The following MFSD12 variants were observed in gnomAD, a reference collection of about 807,000 sequenced individuals.
MFSD12 encodes the protein major facilitator superfamily domain containing 12, also known as major facilitator superfamily domain-containing protein 12.
Under a neutral mutation model 51.2 loss-of-function variants are expected in MFSD12, and 67 were observed. That is an observed-to-expected ratio of 1.31 (90% CI 1.08 to 1.60). The LOEUF (loss-of-function observed/expected upper bound fraction) is 1.60, where lower values mean the gene tolerates loss of function less well. Among genes scored for constraint, MFSD12 ranks in the 40% most tolerant of loss-of-function variants. The pLI is 0.00. For synonymous variants in MFSD12, 441 were observed against 316.7 expected (o/e 1.39, Z -4.17); for missense variants, 921 against 673.0 (o/e 1.37, Z -4.08).
chr19:3,553,487 G>A (rs865809863), intron 1 of MFSD12, among the ~76,000 whole-genome samples: 1 of 112,600 alleles, frequency 8.9e-6, no homozygotes, highest in Admixed American at 8.6e-5. Flanking sequence ...AAAAAAAAAA[G>A]GCCGGGCGCG....
intron 2 of MFSD12, 24 bp from the exon 3 acceptor site, chr19:3,548,291 TCAA>T (rs1229926098): frequency 1.3e-6 from 2 of 1,543,958 alleles, no homozygotes; most frequent in African/African-American, 2.7e-5. Flanking sequence ...GGGCAGGGAC[TCAA>T]CAAGACGCCA....
intron 1 of MFSD12, among the ~76,000 whole-genome samples, chr19:3,552,642 A>G (rs1312521972): frequency 6.6e-6 from 1 of 150,782 alleles, no homozygotes; most frequent in Non-Finnish European, 1.5e-5. Flanking sequence ...ATCCCACCAC[A>G]TCCAGCTAAT....
downstream of MFSD12, chr19:3,543,798 G>A (rs868482022): frequency 1.7e-5 from 26 of 1,501,178 alleles, no homozygotes; most frequent in African/African-American, 3.2e-4. Context: ...GAGGAGGTGG[G>A]GGCACATGGT....
downstream of MFSD12, chr19:3,543,663 T>G: frequency 6.5e-7 from 1 of 1,540,986 alleles, no homozygotes; most frequent in Admixed American, 2.0e-5. Context: ...GACAGGCCAA[T>G]CCGGGGCAAG....
At chr19:3,547,091 G>T (rs906326825) in intron 6 of MFSD12, among the ~76,000 whole-genome samples, 181 bp downstream of exon 6, 34 of 152,296 alleles carry the variant, frequency 2.2e-4, no homozygotes, top group African/African-American at 7.9e-4. Flanking sequence ...GCCCGCCTCG[G>T]CCTCCCAAAG....
At chr19:3,554,469 AAG>A (rs150399707) in intron 1 of MFSD12, among the ~76,000 whole-genome samples, 35,339 of 149,700 alleles carry the variant, frequency 0.24, 4,399 homozygotes, top group Middle Eastern at 0.37. Context: ...AAAAAAAAGA[AAG>A]AAAGTTCCTG....
downstream of MFSD12, chr19:3,542,619 GC>G (rs896454686): frequency 1.5e-5 from 11 of 752,700 alleles, no homozygotes; most frequent in African/African-American, 7.6e-5. Flanking sequence ...GATTACAGGT[GC>G]CCCCCGCCCC....
intron 2 of MFSD12, among the ~76,000 whole-genome samples, chr19:3,550,397 GT>G (rs879337204): frequency 1.7e-4 from 25 of 144,788 alleles, no homozygotes; most frequent in Admixed American, 2.8e-4. Context: ...AAAACTTTTT[GT>G]TTTTTTTTTT....
chr19:3,542,074 T>C (rs1331388986), downstream of MFSD12: 10 of 962,384 alleles, frequency 1.0e-5, no homozygotes, highest in Non-Finnish European at 1.2e-5. Flanking sequence ...CCTCCCAAAG[T>C]GCTGGGATTA....
At chr19:3,555,274 A>C (rs1343332419) in intron 1 of MFSD12, among the ~76,000 whole-genome samples, 1 of 152,076 alleles carries the variant, frequency 6.6e-6, no homozygotes, top group Non-Finnish European at 1.5e-5. Context: ...ACGCTCGGCT[A>C]ATTTTTGTAC....
At chr19:3,543,068 T>G, downstream of MFSD12, 1 of 1,593,156 alleles carries the variant, frequency 6.3e-7, no homozygotes, top group Non-Finnish European at 8.5e-7. Flanking sequence ...AAGCACCCAC[T>G]CTGGGGTGAG....
At chr19:3,546,745 G>C (rs1464590534) in intron 6 of MFSD12, among the ~76,000 whole-genome samples, 1 of 152,230 alleles carries the variant, frequency 6.6e-6, no homozygotes, top group African/African-American at 2.4e-5. Context: ...GCACAGGGTG[G>C]ACAGAAAGCG....
chr19:3,543,653 G>A (rs544912529), downstream of MFSD12: 8 of 1,543,212 alleles, frequency 5.2e-6, no homozygotes, highest in East Asian at 7.3e-5. Context: ...GCTGTGGAAA[G>A]ACAGGCCAAT....
In MFSD12 at chr19:3,544,375, G is replaced by A. The variant is rs1231122393; in HGVS notation, c.*335C>T. The A allele has an allele frequency of 4.7e-6, 6 of 1,284,494 alleles. No individual in the cohort carries two copies. Among genetic ancestry groups the A allele is most frequent in the African/African-American group, 3.0e-5 (2 of 66,398 alleles). 79.6% of individuals were successfully genotyped at this position (1,284,494 alleles called of 1,614,324 possible). A position where few individuals can be genotyped will look rare whatever the true frequency, so the allele number is the denominator to read the frequency against. On this transcript the variant is annotated 3_prime_UTR_variant, in exon 10 of 10. Coordinates refer to ENST00000355415, the MANE Select transcript of MFSD12 (RefSeq NM_174983.5). The stretch of plus-strand genomic sequence containing the variant: ...GAGACCCCCAGGCTGGAGGTGAGGG[G>A]TGAACTGGACTGAGCTCAGGGTTAG...
downstream of MFSD12, chr19:3,543,069 CTG>C (rs2030563165): frequency 2.5e-6 from 4 of 1,592,130 alleles, no homozygotes; most frequent in Non-Finnish European, 3.4e-6. Context: ...AGCACCCACT[CTG>C]GGGTGAGGGG....
intron 1 of MFSD12, among the ~76,000 whole-genome samples, chr19:3,553,406 G>C (rs1203813710): frequency 6.6e-6 from 1 of 151,316 alleles, no homozygotes; most frequent in African/African-American, 2.4e-5. Context: ...CCAGGAGGTC[G>C]AGGCTGCAGT....
intron 8 of MFSD12, among the ~76,000 whole-genome samples, chr19:3,545,436 T>C (rs779148924): frequency 1.3e-5 from 2 of 152,160 alleles, no homozygotes; most frequent in Non-Finnish European, 2.9e-5. Context: ...GCCTCCTCCC[T>C]GTTCTTCCAA....
At position 3,557,258 on chromosome 19, in the gene MFSD12, G is replaced by T; in HGVS notation, c.146C>A (p.Ser49Ter). 6.3e-7 allele frequency: 1 copy of T among 1,597,802 alleles called. No individual in the cohort carries two copies. The highest frequency in any genetic ancestry group is 1.7e-4 in the Middle Eastern group (1 of 5,960). The change falls in exon 1 of 10, where the codon TCG (serine) becomes TAG (stop). Residue 49 changes from serine to a stop codon, truncating the protein, a stop_gained. Coordinates refer to ENST00000355415, the MANE Select transcript of MFSD12 (RefSeq NM_174983.5). LOFTEE classifies it high-confidence loss of function. ...WFTYLLLYLH[S>*]VRAYSSRGAG... ...GCCGCGGGAGCTGTAGGCGCGCACC[G>T]AGTGCAGGTAGAGCAGCAGGTAGGT...
chr19:3,550,296 C>T (rs1309467938), intron 2 of MFSD12, among the ~76,000 whole-genome samples: 2 of 152,104 alleles, frequency 1.3e-5, no homozygotes, highest in Non-Finnish European at 2.9e-5. Context: ...TGCCTGTAAT[C>T]GCAGCACTTT....
Sources: gnomAD v4.1 joint callset for allele counts (sites outside exome capture counted in the v4.1 genomes callset) on GRCh38, gnomAD v4.1.1 for gene constraint, MANE v1.5 for transcripts, NCBI Gene and HGNC (gene_info 2026-07-23, HGNC 2026-07-21) for gene names.